The following NHSL2 variants were observed in gnomAD, a reference collection of about 807,000 sequenced individuals.
NHSL2 encodes NHS like 2.
In NHSL2, 27 loss-of-function variants were observed where a neutral mutation model predicts 53.4. The ratio of observed to expected loss-of-function variants is 0.51; its 90% CI spans 0.37 to 0.70. The LOEUF is 0.70. NHSL2 is among the 30% of genes least tolerant of loss of function. The pLI is 0.00. For synonymous variants in NHSL2, 408 were observed against 404.1 expected (o/e 1.01, Z -0.12); for missense variants, 892 against 980.1 (o/e 0.91, Z 1.20).
At chrX:71,916,118 C>G (rs1468007203) in intron 1 of NHSL2, among the ~76,000 whole-genome samples, 1 of 111,674 alleles carries the variant, frequency 9.0e-6, no homozygotes, top group East Asian at 2.8e-4. Flanking sequence ...TGCAATCCCT[C>G]CTGATCCCTC....
intron 1 of NHSL2, among the ~76,000 whole-genome samples, chrX:71,971,784 G>T (rs1176587482): frequency 1.8e-5 from 2 of 111,298 alleles, no homozygotes; most frequent in African/African-American, 6.5e-5. Flanking sequence ...GCCAGGTGTA[G>T]TGGCATGCAC....
In NHSL2 at chrX:72,134,159, A is replaced by T. The variant is rs1357039543; in HGVS notation, c.505A>T (p.Thr169Ser). Residue 169 changes from threonine (T) to serine (S), a missense_variant, in exon 3 of 8, where the codon ACT (threonine) becomes TCT (serine). Thr to Ser is a moderately conservative substitution (Grantham distance 58). Coordinates refer to ENST00000633930, the MANE Select transcript of NHSL2 (RefSeq NM_001013627.3). ...GQTFRSSDEA[T>S]KPTPNPRPQS... ...GACCTTCCGCTCTTCTGATGAGGCCACTAAGCCCACCCCCAACCCAAGGCC... is the reference window on the plus strand; with the variant it reads ...GACCTTCCGCTCTTCTGATGAGGCCTCTAAGCCCACCCCCAACCCAAGGCC... 3 of 1,166,995 alleles carry T rather than the reference A, an allele frequency of 2.6e-6. No homozygotes were observed. The Admixed American group carries it at 7.7e-5, about 30-fold the overall frequency.
At chrX:71,980,897 A>G (rs1277034170) in intron 1 of NHSL2, among the ~76,000 whole-genome samples, 1 of 111,885 alleles carries the variant, frequency 8.9e-6, no homozygotes, top group Non-Finnish European at 1.9e-5. Flanking sequence ...GATTTTTGTA[A>G]TTATTATTTT....
At position 71,912,068 on chromosome X, in the gene NHSL2, A is replaced by C. The variant is rs543490289; in HGVS notation, c.280+701A>C. ...CTAGGGTCTGGCTGTTATTTGCTGG[A>C]GAGAATCATTTAAAGAAACTATCAT... is the stretch of plus-strand genomic sequence containing the variant. On this transcript the variant is annotated intron_variant, in intron 1 of 7. Transcript: ENST00000633930. 3.6e-5 allele frequency among the ~76,000 whole-genome samples: 4 copies of C among 112,322 alleles called. No individual in the cohort carries two copies. In the South Asian group the frequency reaches 1.5e-3, roughly 41 times the overall value.
chrX:72,138,502 T>A lies in NHSL2; in HGVS notation c.954T>A (p.Ser318Arg). The change falls in exon 6 of 8, where the codon AGT becomes AGA. Residue 318 changes from serine (S) to arginine (R), a missense_variant. Coordinates refer to ENST00000633930, the MANE Select transcript of NHSL2 (RefSeq NM_001013627.3). ...CTACCACCTCCGACATCAGGCCCAGTCACTCAGTTCCAGAAGGGGTTCATG... is the reference window on the plus strand; with the variant it reads ...CTACCACCTCCGACATCAGGCCCAGACACTCAGTTCCAGAAGGGGTTCATG... ...AHSTTSDIRP[S>R]HSVPEGVHGR... 1.7e-6 allele frequency: 2 copies of A among 1,164,659 alleles called. No homozygotes were observed. The highest frequency in any genetic ancestry group is 2.3e-6 in the Non-Finnish European group (2 of 870,515).
At chrX:71,911,739 C>T (rs2041604073) in intron 1 of NHSL2, among the ~76,000 whole-genome samples, 1 of 112,890 alleles carries the variant, frequency 8.9e-6, no homozygotes, top group African/African-American at 3.2e-5. Flanking sequence ...GTCCTCATCG[C>T]CGCGTCGGGA....
chrX:72,019,209 G>GA (rs1033712723), intron 1 of NHSL2, among the ~76,000 whole-genome samples: 4 of 112,581 alleles, frequency 3.6e-5, no homozygotes, highest in Non-Finnish European at 5.6e-5. Flanking sequence ...GAGCGCAGGA[G>GA]AAAGTGCACA....
At position 72,069,523 on chromosome X, in the gene NHSL2, G is replaced by T. The variant is rs899425963; in HGVS notation, c.281-62556G>T. ...AATTCTGTGCCAGGGGCACAAGTGGGATTTGGAAGAGCCATGTGTGTGAGA... is the reference window on the plus strand; with the variant it reads ...AATTCTGTGCCAGGGGCACAAGTGGTATTTGGAAGAGCCATGTGTGTGAGA... On this transcript the variant is annotated intron_variant, in intron 1 of 7. Coordinates refer to ENST00000633930, the MANE Select transcript of NHSL2 (RefSeq NM_001013627.3). 1.2e-4 allele frequency: 38 copies of T among 325,472 alleles called. No homozygotes were observed. In the Admixed American group the frequency reaches 2.2e-3, roughly 19 times the overall value. 26.8% of individuals were successfully genotyped at this position (325,472 alleles called of 1,213,427 possible).
chrX:72,145,125 C>A lies in NHSL2; in HGVS notation c.*1551C>A, dbSNP rs938636557. On this transcript the variant is annotated 3_prime_UTR_variant, in exon 8 of 8. Transcript: ENST00000633930. ...CTGCTTCACAAAGAGAGTTCCCCAG[C>A]CCCTTCCTACTTCACCCCTCACCCA... 2 of 112,031 alleles carry A rather than the reference C, an allele frequency of 1.8e-5. No individual in the cohort carries two copies. The highest frequency in any genetic ancestry group is 3.7e-5 in the Non-Finnish European group (2 of 53,361). 9.2% of individuals were successfully genotyped at this position (112,031 alleles called of 1,213,427 possible).
chrX:72,134,347 T>G, intron 3 of NHSL2, 129 bp downstream of exon 3: 1 of 860,889 alleles, frequency 1.2e-6, no homozygotes, highest in Non-Finnish European at 1.6e-6. Flanking sequence ...GAGGCCCCAC[T>G]GGGATAGGCC....
intron 1 of NHSL2, among the ~76,000 whole-genome samples, chrX:72,103,224 G>A (rs1309660801): frequency 1.8e-5 from 2 of 111,520 alleles, no homozygotes; most frequent in Non-Finnish European, 3.8e-5. Context: ...AGTGGAGGGA[G>A]TGGGGGAAGG....
rs748603171 is a variant in NHSL2 at position 72,115,808 on chromosome X, A to C, written c.281-16271A>C. On this transcript the variant is annotated intron_variant, in intron 1 of 7. Coordinates refer to ENST00000633930, the MANE Select transcript of NHSL2 (RefSeq NM_001013627.3). ...TGGTGTTGGGTTCCAGGTATCTCTA[A>C]CATGTGAGCCACTAGTGTAGTGTAG... Among the ~76,000 whole-genome samples the C allele has an allele frequency of 3.0e-4, 34 of 111,529 alleles. No homozygotes were observed. In the Admixed American group the frequency reaches 3.2e-3, roughly 11 times the overall value.
intron 1 of NHSL2, chrX:72,044,614 A>T (rs899805333): frequency 1.8e-5 from 20 of 1,130,680 alleles, no homozygotes; most frequent in Admixed American, 4.4e-5. Flanking sequence ...TATTCGCTGC[A>T]CTAACTGTGT....
chrX:72,149,387 A>G lies in NHSL2; in HGVS notation c.*5813A>G, dbSNP rs1005495103. 9.0e-6 allele frequency: 1 copy of G among 111,553 alleles called. No individual in the cohort carries two copies. The highest frequency in any genetic ancestry group is 3.3e-5 in the African/African-American group (1 of 30,679). 9.2% of individuals were successfully genotyped at this position (111,553 alleles called of 1,213,427 possible). On this transcript the variant is annotated 3_prime_UTR_variant, in exon 8 of 8. Transcript: ENST00000633930. ...AAATAGTAGAATTTGATAGCAACGA[A>G]CTCCAAAACAAAATCTGAACTGGAA...
intron 1 of NHSL2, among the ~76,000 whole-genome samples, chrX:71,966,625 A>G (rs150439045): frequency 1.7e-4 from 18 of 105,801 alleles, no homozygotes; most frequent in African/African-American, 6.7e-4. Context: ...CCAGCCTTTC[A>G]TGCCTGGGGT....
At chrX:72,104,725 G>T (rs1021512135) in intron 1 of NHSL2, among the ~76,000 whole-genome samples, 3 of 111,393 alleles carry the variant, frequency 2.7e-5, no homozygotes, top group Non-Finnish European at 5.7e-5. Context: ...GGGTATCCAG[G>T]TGAAGATGTC....
chrX:72,022,925 TGAAAG>T (rs1420297503), intron 1 of NHSL2, among the ~76,000 whole-genome samples: 2 of 111,961 alleles, frequency 1.8e-5, no homozygotes, highest in Non-Finnish European at 3.8e-5. Context: ...CTGCTTGGCC[TGAAAG>T]GAAAGTCAAA....
intron 1 of NHSL2, among the ~76,000 whole-genome samples, chrX:72,013,439 C>G (rs1016765094): frequency 9.0e-6 from 1 of 111,331 alleles, no homozygotes; most frequent in Admixed American, 9.5e-5. Context: ...TTGTAGATTC[C>G]TTGGGATTTT....
chrX:72,131,358 C>A (rs1416935812), intron 1 of NHSL2: 1 of 1,208,542 alleles, frequency 8.3e-7, no homozygotes, highest in African/African-American at 1.7e-5. Flanking sequence ...CAAGGACGGG[C>A]ACTATGGGTA....
Sources: allele counts gnomAD v4.1 joint callset (sites outside exome capture counted in the v4.1 genomes callset), GRCh38; gene constraint gnomAD v4.1.1; transcripts MANE v1.5; gene names NCBI Gene and HGNC (gene_info 2026-07-23, HGNC 2026-07-21).